Variants in ACTN4 observed in about 807,000 individuals in gnomAD.
The protein encoded by ACTN4 is actinin alpha 4.
Under a neutral mutation model 114.2 loss-of-function variants are expected in ACTN4, and 18 were observed. The observed-to-expected ratio is 0.16, with a 90% CI of 0.11 to 0.23. The LOEUF (loss-of-function observed/expected upper bound fraction) is 0.23. Among genes scored for constraint, ACTN4 ranks in the 10% least tolerant of loss-of-function variants. The pLI is 1.00. For missense variants in ACTN4, 722 were observed against 1,262.9 expected (o/e 0.57, Z 6.49); for synonymous variants, 515 against 506.3 (o/e 1.02, Z -0.23).
chr19:38,657,737 C>G (rs1163215775), intron 1 of ACTN4, among the ~76,000 whole-genome samples: 1 of 152,028 alleles, frequency 6.6e-6, no homozygotes, highest in East Asian at 1.9e-4. Flanking sequence ...GCAGGTGGTT[C>G]GGCATCTGGA....
intron 1 of ACTN4, among the ~76,000 whole-genome samples, chr19:38,685,161 G>A (rs1967702518): frequency 6.6e-6 from 1 of 152,104 alleles, no homozygotes; most frequent in African/African-American, 2.4e-5. Context: ...GACCGGGATG[G>A]TCTCGAACTC....
At position 38,730,198 on chromosome 19, in the gene ACTN4, TA is replaced by T. The variant is rs1969466245; in HGVS notation, c.*767del. 1.3e-5 allele frequency: 2 copies of T among 156,200 alleles called. No homozygotes were observed. Among genetic ancestry groups the T allele is most frequent in the Non-Finnish European group, 2.8e-5 (2 of 70,738 alleles). 9.7% of individuals were successfully genotyped at this position (156,200 alleles called of 1,614,324 possible). A position where few individuals can be genotyped will look rare whatever the true frequency, so the allele number is the denominator to read the frequency against. ...AAAGAATTAAAAACTTTCAGAGAATTACTATTTACTTTATTAACTTACGGAT... is the reference window on the plus strand; with the variant it reads ...AAAGAATTAAAAACTTTCAGAGAATTCTATTTACTTTATTAACTTACGGAT... On this transcript the variant is annotated 3_prime_UTR_variant, in exon 21 of 21. Transcript: ENST00000252699.
At chr19:38,686,208 T>A (rs775212201) in intron 1 of ACTN4, among the ~76,000 whole-genome samples, 4 of 152,232 alleles carry the variant, frequency 2.6e-5, no homozygotes, top group Non-Finnish European at 4.4e-5. Context: ...CTTGTCTGGA[T>A]GAACAAATCC....
Position 38,717,007 on chromosome 19 carries a change from G to A in ACTN4, c.913-79G>A. Reference sequence around the variant, plus strand: ...GGGCCCTCAAAGATCCAGATCCCATGTGCCCATAAGCTGGGGGGCAGCCCG... The same window carrying A: ...GGGCCCTCAAAGATCCAGATCCCATATGCCCATAAGCTGGGGGGCAGCCCG... On this transcript the variant is annotated intron_variant, in intron 9 of 20. Coordinates refer to ENST00000252699, the MANE Select transcript of ACTN4 (RefSeq NM_004924.6). The surrounding 1 kb of genome is among the most constrained non-coding windows in gnomAD (Gnocchi z 4.0). 1 of 1,453,082 alleles carries A rather than the reference G, an allele frequency of 6.9e-7. No individual in the cohort carries two copies. Among genetic ancestry groups the A allele is most frequent in the East Asian group, 2.5e-5 (1 of 40,680 alleles). 90.0% of individuals were successfully genotyped at this position (1,453,082 alleles called of 1,614,324 possible). A position where few individuals can be genotyped will look rare whatever the true frequency, so the allele number is the denominator to read the frequency against.
chr19:38,657,864 A>T (rs1219035933), intron 1 of ACTN4, among the ~76,000 whole-genome samples: 1 of 152,186 alleles, frequency 6.6e-6, no homozygotes, highest in East Asian at 1.9e-4. Flanking sequence ...GTGGAAGCTG[A>T]CTTCAGTTGG....
In ACTN4 at chr19:38,725,828, C is replaced by T; in HGVS notation, c.2115C>T (p.Asp705=). ...TCGTGGACTACAAGCCCAACCTGGA[C>T]CTGCTGGAGCAGCAGCACCAGCTCA... ...RSIVDYKPNL[D]LLEQQHQLIQ... Residue 705 remains aspartate (D), a synonymous_variant, in exon 17 of 21, where the codon GAC becomes GAT. Coordinates refer to ENST00000252699, the MANE Select transcript of ACTN4 (RefSeq NM_004924.6). 1 of 1,614,162 alleles carries T rather than the reference C, an allele frequency of 6.2e-7. No individual in the cohort carries two copies. Among genetic ancestry groups the T allele is most frequent in the Non-Finnish European group, 8.5e-7 (1 of 1,180,040 alleles).
At chr19:38,689,839 A>G (rs1458199901) in intron 1 of ACTN4, among the ~76,000 whole-genome samples, 1 of 152,012 alleles carries the variant, frequency 6.6e-6, no homozygotes, top group African/African-American at 2.4e-5. Context: ...ATGCCCGGCT[A>G]CTTTTTGTAT....
At chr19:38,672,301 C>T (rs937545394) in intron 1 of ACTN4, among the ~76,000 whole-genome samples, 4 of 133,962 alleles carry the variant, frequency 3.0e-5, no homozygotes, top group African/African-American at 5.6e-5. Context: ...AGTACAGTGG[C>T]GTGATATCGG....
intron 1 of ACTN4, among the ~76,000 whole-genome samples, chr19:38,685,222 G>A (rs1165140594): frequency 1.3e-5 from 2 of 152,146 alleles, no homozygotes; most frequent in Non-Finnish European, 2.9e-5. Context: ...AGGATTACAG[G>A]TGTGAGCCAC....
intron 12 of ACTN4, 93 bp downstream of exon 12, chr19:38,721,781 A>G: frequency 6.4e-7 from 1 of 1,564,556 alleles, no homozygotes; most frequent in South Asian, 1.1e-5. Context: ...AGCCTGCCTC[A>G]AGGCCTGGAA....
rs1418769054 is a variant in ACTN4, at chr19:38,728,417, C to CTCG, written c.2418+393_2418+394insGTC. ...CTGTCTCCCCAGCCACCCGCTCCTC[C>CTCG]TCCTCCTCCTCCTCCTCCTCCTCCT... On this transcript the variant is annotated intron_variant, in intron 19 of 20. Transcript: ENST00000252699. The CTCG allele has an allele frequency of 7.7e-6, 6 of 780,264 alleles. No homozygotes were observed. In the South Asian group the frequency reaches 1.3e-4, roughly 17 times the overall value. The allele number at this position is 780,264 out of a possible 1,614,324, so 48.3% of individuals were successfully genotyped here.
At chr19:38,715,329 T>A (rs2145055144) in intron 9 of ACTN4, among the ~76,000 whole-genome samples, 1 of 152,206 alleles carries the variant, frequency 6.6e-6, no homozygotes, top group Admixed American at 6.5e-5. Flanking sequence ...AAACCTTGTC[T>A]CTACTGAAAA....
chr19:38,651,449 A>G (rs566002423), intron 1 of ACTN4, among the ~76,000 whole-genome samples: 4 of 152,242 alleles, frequency 2.6e-5, no homozygotes, highest in East Asian at 3.9e-4. Flanking sequence ...CCCTCTCCCA[A>G]TTTCTAAAAG....
chr19:38,683,060 C>T (rs1187042534), intron 1 of ACTN4, among the ~76,000 whole-genome samples: 1 of 152,138 alleles, frequency 6.6e-6, no homozygotes, highest in Non-Finnish European at 1.5e-5. Flanking sequence ...GTGTATGGCT[C>T]GTGATAGATG....
At chr19:38,693,292 G>A (rs568981346) in intron 1 of ACTN4, among the ~76,000 whole-genome samples, 4 of 152,270 alleles carry the variant, frequency 2.6e-5, no homozygotes, top group South Asian at 2.1e-4. Flanking sequence ...GGGATCGCTC[G>A]AGCCTATTTC....
intron 1 of ACTN4, among the ~76,000 whole-genome samples, chr19:38,659,781 A>G (rs2144844197): frequency 6.6e-6 from 1 of 152,344 alleles, no homozygotes; most frequent in South Asian, 2.1e-4. Context: ...CAGCAGCTCA[A>G]GCTCTGTGGG....
intron 1 of ACTN4, among the ~76,000 whole-genome samples, chr19:38,674,905 C>G (rs961993578): frequency 6.6e-6 from 1 of 152,154 alleles, no homozygotes; most frequent in Non-Finnish European, 1.5e-5. Flanking sequence ...ATCGCTGATT[C>G]AGTAGCCCAG....
chr19:38,711,132 G>C lies in ACTN4; in HGVS notation c.819+790G>C, dbSNP rs73933050. 1,778 of 195,782 alleles carry C rather than the reference G, an allele frequency of 9.1e-3. 31 individuals are homozygous for C. Among genetic ancestry groups the C allele is most frequent in the African/African-American group, 0.04 (1,708 of 42,336 alleles). The allele number at this position is 195,782 out of a possible 1,614,324, so 12.1% of individuals were successfully genotyped here. A position where few individuals can be genotyped will look rare whatever the true frequency, so the allele number is the denominator to read the frequency against. On this transcript the variant is annotated intron_variant, in intron 8 of 20. Transcript: ENST00000252699. ...TTCGGACTCCACAAAACCCCGCAAGGCATGTCCACGCAGGCCTGGGGCTGG... is the reference window on the plus strand; with the variant it reads ...TTCGGACTCCACAAAACCCCGCAAGCCATGTCCACGCAGGCCTGGGGCTGG...
At chr19:38,657,676 C>T (rs1167349214) in intron 1 of ACTN4, among the ~76,000 whole-genome samples, 4 of 151,910 alleles carry the variant, frequency 2.6e-5, no homozygotes, top group Admixed American at 2.0e-4. Context: ...CACTTCGTTT[C>T]GGTGGTGAAG....
Sources: allele counts gnomAD v4.1 joint callset (sites outside exome capture counted in the v4.1 genomes callset), GRCh38; gene constraint gnomAD v4.1.1; non-coding constraint Gnocchi (gnomAD v3.1); transcripts MANE v1.5; gene names NCBI Gene and HGNC (gene_info 2026-07-23, HGNC 2026-07-21).